Variants in RHOBTB1 observed in about 807,000 individuals in gnomAD.
RHOBTB1 encodes the protein rho-related BTB domain-containing protein 1.
A neutral mutation model predicts 71.6 loss-of-function variants in RHOBTB1; 40 were observed. That is an observed-to-expected ratio of 0.56 (90% CI 0.43 to 0.73). The LOEUF (loss-of-function observed/expected upper bound fraction) is 0.73. RHOBTB1 is among the 30% of genes least tolerant of loss of function. The pLI is 0.00. For missense variants in RHOBTB1, 797 were observed against 894.0 expected (o/e 0.89, Z 1.38); for synonymous variants, 319 against 334.9 (o/e 0.95, Z 0.52).
At chr10:60,963,093 C>A (rs1286395159) in intron 2 of RHOBTB1, among the ~76,000 whole-genome samples, 2 of 152,090 alleles carry the variant, frequency 1.3e-5, no homozygotes, top group Non-Finnish European at 2.9e-5. Flanking sequence ...GCAACCAAAG[C>A]AATCTTCATA....
intron 2 of RHOBTB1, among the ~76,000 whole-genome samples, chr10:60,952,045 G>A (rs1391054289): frequency 6.6e-6 from 1 of 151,858 alleles, no homozygotes; most frequent in Admixed American, 6.6e-5. Flanking sequence ...ACAACAGAGC[G>A]AGACTCTGTC....
At chr10:60,942,245 T>C (rs2084938241) in intron 1 of RHOBTB1, among the ~76,000 whole-genome samples, 1 of 152,216 alleles carries the variant, frequency 6.6e-6, no homozygotes, top group African/African-American at 2.4e-5. Context: ...AATATAATCA[T>C]AATTAAAAGA....
chr10:60,862,729 A>T, the RHOBTB1 span, among the ~76,000 whole-genome samples: 20 of 76,132 alleles, frequency 2.6e-4, no homozygotes, highest in South Asian at 3.8e-4. Context: ...TTTCTTTCCT[A>T]TTTCTCTCTC....
At chr10:61,000,142 C>G (rs538996748) in intron 1 of RHOBTB1, among the ~76,000 whole-genome samples, 2 of 152,144 alleles carry the variant, frequency 1.3e-5, no homozygotes, top group African/African-American at 2.4e-5. Context: ...TTAATCCTTA[C>G]GCTTCCGAGT....
intron 7 of RHOBTB1, among the ~76,000 whole-genome samples, chr10:60,883,436 T>C (rs2081419415): frequency 6.6e-6 from 1 of 152,208 alleles, no homozygotes; most frequent in Non-Finnish European, 1.5e-5. Context: ...ATAAAGGAGA[T>C]TAGCATTCGT....
intron 4 of RHOBTB1, among the ~76,000 whole-genome samples, chr10:60,905,933 T>A (rs2133243028): frequency 6.6e-6 from 1 of 152,292 alleles, no homozygotes; most frequent in South Asian, 2.1e-4. Context: ...TTAAAGGGCC[T>A]CAACTGTGCA....
rs957138921 is a variant in RHOBTB1 at position 60,869,538 on chromosome 10, C to T, written c.*1944G>A. The T allele has an allele frequency of 2.6e-5, 4 of 152,606 alleles. No homozygotes were observed. The highest frequency in any genetic ancestry group is 4.4e-5 in the Non-Finnish European group (3 of 68,036). 9.5% of individuals were successfully genotyped at this position (152,606 alleles called of 1,614,324 possible). Reference sequence around the variant, plus strand: ...AATCAGCATCAACCAAATGAACCAGCCACTTGGTTACAGTAGCTGATAACA... The same window carrying T: ...AATCAGCATCAACCAAATGAACCAGTCACTTGGTTACAGTAGCTGATAACA... On this transcript the variant is annotated 3_prime_UTR_variant, in exon 11 of 11. Transcript: ENST00000337910.
rs778954090 is a variant in RHOBTB1 at position 60,911,335 on chromosome 10, ACT to A, written c.192+14_192+15del. 3.1e-6 allele frequency: 5 copies of A among 1,598,298 alleles called. No individual in the cohort carries two copies. The highest frequency in any genetic ancestry group is 2.3e-5 in the East Asian group (1 of 44,430). ...GATGTGCCCTAGGGATGCTGAAGAC[ACT>A]CTGTGCATCTTACCTCCTGGCACAC... On this transcript the variant is annotated intron_variant, in intron 3 of 10. Coordinates refer to ENST00000337910, the MANE Select transcript of RHOBTB1 (RefSeq NM_014836.5).
At chr10:60,920,810 A>T (rs1236718298) in intron 2 of RHOBTB1, among the ~76,000 whole-genome samples, 1 of 151,776 alleles carries the variant, frequency 6.6e-6, no homozygotes, top group Non-Finnish European at 1.5e-5. Flanking sequence ...ATGTGCCACC[A>T]TGCCCGGCTA....
chr10:60,930,169 T>A (rs531550198), intron 2 of RHOBTB1, among the ~76,000 whole-genome samples: 4 of 152,340 alleles, frequency 2.6e-5, no homozygotes, highest in South Asian at 2.1e-4. Flanking sequence ...ATTTACCACA[T>A]CTTTAAGAAA....
chr10:60,862,921 C>T, the RHOBTB1 span, among the ~76,000 whole-genome samples: 1,008 of 119,300 alleles, frequency 8.4e-3, 15 homozygotes, highest in African/African-American at 0.031. Flanking sequence ...TCTTTCTTTT[C>T]TTCTTTCTTC....
intron 2 of RHOBTB1, among the ~76,000 whole-genome samples, chr10:60,913,233 G>T (rs142299445): frequency 6.6e-6 from 1 of 152,322 alleles, no homozygotes; most frequent in East Asian, 1.9e-4. Context: ...ATCACAGGAG[G>T]TGTTAAAGCT....
chr10:60,904,427 C>T (rs1462407684), intron 4 of RHOBTB1, among the ~76,000 whole-genome samples: 1 of 152,182 alleles, frequency 6.6e-6, no homozygotes, highest in Non-Finnish European at 1.5e-5. Flanking sequence ...ATCCATCCCT[C>T]CCCTCCATCC....
Position 60,874,978 on chromosome 10 carries a change from C to A in RHOBTB1, c.1791G>T (p.Val597=), listed in dbSNP as rs755335127. Residue 597 remains valine (V), a synonymous_variant, in exon 9 of 11, where the codon GTG becomes GTT. Transcript: ENST00000337910. ...ATSGVGIDGE[V]LSYLELAQFH... ...CCTGAGCCAATTCCAAGTAAGAGAG[C>A]ACTTCTCCGTCAATGCCCACGCCAC... is the stretch of plus-strand genomic sequence containing the variant. 20 of 1,613,804 alleles carry A rather than the reference C, an allele frequency of 1.2e-5. No individual in the cohort carries two copies. The Middle Eastern group carries it at 9.9e-4, about 80-fold the overall frequency.
Position 60,888,339 on chromosome 10 carries a change from G to A in RHOBTB1, c.1329C>T (p.Phe443=), listed in dbSNP as rs151278163. Residue 443 remains phenylalanine (F), a synonymous_variant, in exon 6 of 11, where the codon TTC becomes TTT. Transcript: ENST00000337910. ...LAQIAEVLEM[F]DLRMMVENIM... Reference sequence around the variant, plus strand: ...TGTTTTCCACCATCATCCTCAAATCGAACATCTCGAGGACCTCTGCGATCT... The same window carrying A: ...TGTTTTCCACCATCATCCTCAAATCAAACATCTCGAGGACCTCTGCGATCT... 3 of 1,614,008 alleles carry A rather than the reference G, an allele frequency of 1.9e-6. No individual in the cohort carries two copies. The highest frequency in any genetic ancestry group is 2.5e-6 in the Non-Finnish European group (3 of 1,179,982).
At chr10:60,862,463 G>T in the RHOBTB1 span, among the ~76,000 whole-genome samples, 6 of 150,292 alleles carry the variant, frequency 4.0e-5, no homozygotes, top group Non-Finnish European at 8.9e-5. Context: ...CTCCCAAAGT[G>T]CTGGGATAAC....
chr10:60,937,400 G>A (rs887310899), intron 2 of RHOBTB1, among the ~76,000 whole-genome samples: 6 of 152,146 alleles, frequency 3.9e-5, no homozygotes, highest in African/African-American at 1.4e-4. Context: ...TTGAAATGAA[G>A]GTAGGAAAGT....
At chr10:61,001,719 C>A (rs992559393), upstream of RHOBTB1, among the ~76,000 whole-genome samples, 1 of 152,192 alleles carries the variant, frequency 6.6e-6, no homozygotes. Context: ...CCCCCCGCCC[C>A]CCAGGGCTGT....
chr10:60,969,686 T>A (rs567295374), intron 2 of RHOBTB1, among the ~76,000 whole-genome samples: 1 of 152,146 alleles, frequency 6.6e-6, no homozygotes, highest in Non-Finnish European at 1.5e-5. Flanking sequence ...TCACTTCAGT[T>A]GTCAGAAGAG....
Sources: gnomAD v4.1 joint callset for allele counts (sites outside exome capture counted in the v4.1 genomes callset) on GRCh38, gnomAD v4.1.1 for gene constraint, MANE v1.5 for transcripts, NCBI Gene and HGNC (gene_info 2026-07-23, HGNC 2026-07-21) for gene names.